NEDD9: variants seen among roughly 807,000 people sequenced by gnomAD.
NEDD9 encodes neural precursor cell expressed, developmentally down-regulated 9, also known as enhancer of filamentation 1.
A neutral mutation model predicts 76.6 loss-of-function variants in NEDD9; 26 were observed. That is an observed-to-expected ratio of 0.34 (90% CI 0.25 to 0.47). The LOEUF is 0.47. Among genes scored for constraint, NEDD9 ranks in the 20% least tolerant of loss-of-function variants. The probability of loss-of-function intolerance (pLI) is 1.00; values close to 1 mark genes in which losing one functional copy is unlikely to be tolerated. For synonymous variants in NEDD9, 392 were observed against 414.2 expected (o/e 0.95, Z 0.65); for missense variants, 937 against 1,058.5 (o/e 0.89, Z 1.59).
chr6:11,322,247 G>A (rs1561834427), intron 2 of NEDD9, among the ~76,000 whole-genome samples: 1 of 152,226 alleles, frequency 6.6e-6, no homozygotes, highest in East Asian at 1.9e-4. Context: ...AAACCTAGAT[G>A]ACGGGTTGAT....
At chr6:11,296,077 G>A (rs781708061) in intron 3 of NEDD9, among the ~76,000 whole-genome samples, 2 of 152,142 alleles carry the variant, frequency 1.3e-5, no homozygotes, top group Admixed American at 6.5e-5. Flanking sequence ...AAGAGGAGAT[G>A]AGGACACAGC....
At chr6:11,302,091 A>G (rs1242467503) in intron 3 of NEDD9, among the ~76,000 whole-genome samples, 1 of 152,190 alleles carries the variant, frequency 6.6e-6, no homozygotes, top group Non-Finnish European at 1.5e-5. Context: ...TTTTTTTAAA[A>G]AGATCAACAA....
intron 1 of NEDD9, among the ~76,000 whole-genome samples, chr6:11,228,760 T>C (rs1475344): frequency 0.35 from 53,083 of 152,056 alleles, 10,377 homozygotes; most frequent in East Asian, 0.6. Flanking sequence ...AGGTAAGCCA[T>C]TTAGCTCTGC....
At chr6:11,279,379 A>C (rs1398917318) in intron 3 of NEDD9, among the ~76,000 whole-genome samples, 1 of 152,214 alleles carries the variant, frequency 6.6e-6, no homozygotes, top group African/African-American at 2.4e-5. Flanking sequence ...TTGGACAAAC[A>C]CTAGAGCTCC....
intron 1 of NEDD9, among the ~76,000 whole-genome samples, chr6:11,365,005 G>T (rs1762737281): frequency 6.6e-6 from 1 of 152,150 alleles, no homozygotes; most frequent in Non-Finnish European, 1.5e-5. Context: ...AGCAGGCTGG[G>T]CATTCAGAAA....
chr6:11,332,984 A>G (rs1449277962), intron 2 of NEDD9, among the ~76,000 whole-genome samples: 1 of 150,880 alleles, frequency 6.6e-6, no homozygotes, highest in Non-Finnish European at 1.5e-5. Flanking sequence ...CCATAAGCCA[A>G]ATAAGACAAA....
chr6:11,275,437 A>G (rs1234855681), intron 3 of NEDD9, among the ~76,000 whole-genome samples: 1 of 152,192 alleles, frequency 6.6e-6, no homozygotes, highest in Non-Finnish European at 1.5e-5. Flanking sequence ...TATGTCAGCT[A>G]ATGCATATGT....
chr6:11,278,756 C>G (rs1317618254), intron 3 of NEDD9, among the ~76,000 whole-genome samples: 2 of 152,160 alleles, frequency 1.3e-5, no homozygotes, highest in African/African-American at 4.8e-5. Flanking sequence ...AGTGAAAACA[C>G]AATTCTGGAG....
rs1761316497 is a variant in NEDD9 at position 11,309,987 on chromosome 6, C to T, written c.-152-3832G>A. On this transcript the variant is annotated intron_variant, in intron 2 of 3. Transcript: ENST00000397378. ...TTAAAGTAACAGAGAAATGAGCTGA[C>T]TGATCCAGGGGATACATCGACACGC... is the stretch of plus-strand genomic sequence containing the variant. Among the ~76,000 whole-genome samples, 3 of 152,182 alleles carry T rather than the reference C, an allele frequency of 2.0e-5. No homozygotes were observed. In the South Asian group the frequency reaches 6.2e-4, roughly 31 times the overall value.
chr6:11,269,734 G>T (rs1302757074), intron 3 of NEDD9, among the ~76,000 whole-genome samples: 3 of 152,138 alleles, frequency 2.0e-5, no homozygotes, highest in Admixed American at 2.0e-4. Flanking sequence ...ATTGAGTTGT[G>T]CCAGGTTAAA....
chr6:11,360,340 A>G (rs7768963), intron 1 of NEDD9, among the ~76,000 whole-genome samples: 2,254 of 152,298 alleles, frequency 0.015, 52 homozygotes, highest in African/African-American at 0.052. Context: ...ATTTAAGGAG[A>G]GTCTTAGGGA....
chr6:11,355,352 A>T (rs186773239), intron 1 of NEDD9, among the ~76,000 whole-genome samples: 2,014 of 151,956 alleles, frequency 0.013, 42 homozygotes, highest in African/African-American at 0.044. Flanking sequence ...AGAAAAATTT[A>T]AAAAAAAATT....
At chr6:11,312,454 T>C (rs1235576104) in intron 2 of NEDD9, among the ~76,000 whole-genome samples, 1 of 152,130 alleles carries the variant, frequency 6.6e-6, no homozygotes, top group Non-Finnish European at 1.5e-5. Flanking sequence ...ACTGCTGTCA[T>C]GTTCAGGCCA....
chr6:11,319,717 TGCACACTCACACACTAACATGCACA>T (rs1309093375), intron 2 of NEDD9, among the ~76,000 whole-genome samples: 5,211 of 136,374 alleles, frequency 0.038, 172 homozygotes, highest in South Asian at 0.11. Flanking sequence ...CACACAAACA[TGCACACTCACACACTAACATGCACA>T]CACACACTAA....
At chr6:11,287,020 T>G (rs1450377587) in intron 3 of NEDD9, among the ~76,000 whole-genome samples, 2 of 152,370 alleles carry the variant, frequency 1.3e-5, no homozygotes, top group East Asian at 3.9e-4. Flanking sequence ...GTTATCTGGT[T>G]GGGCTCACAC....
chr6:11,185,729 T>C (rs1298429191), intron 6 of NEDD9, 58 bp from the exon 7 acceptor site: 1 of 1,591,618 alleles, frequency 6.3e-7, no homozygotes, highest in East Asian at 2.2e-5. Context: ...GCAATGGAAA[T>C]TCACTAGGCC....
At chr6:11,346,635 G>T (rs893889148) in intron 1 of NEDD9, among the ~76,000 whole-genome samples, 5 of 152,182 alleles carry the variant, frequency 3.3e-5, no homozygotes, top group Non-Finnish European at 7.3e-5. Flanking sequence ...TCTCATCGGG[G>T]AAGGAGGGGG....
chr6:11,248,730 C>CCCCA (rs532608352), intron 3 of NEDD9, among the ~76,000 whole-genome samples: 85 of 152,272 alleles, frequency 5.6e-4, no homozygotes, highest in Admixed American at 1.4e-3. Context: ...GGCACTAAGC[C>CCCCA]CCCAGCACAC....
At chr6:11,365,290 A>G (rs1762740823) in intron 1 of NEDD9, among the ~76,000 whole-genome samples, 1 of 150,932 alleles carries the variant, frequency 6.6e-6, no homozygotes. Context: ...TCCTACTTTC[A>G]AAAAAAAACA....
Sources: gnomAD v4.1 joint callset for allele counts (sites outside exome capture counted in the v4.1 genomes callset) on GRCh38, gnomAD v4.1.1 for gene constraint, MANE v1.5 for transcripts, NCBI Gene and HGNC (gene_info 2026-07-23, HGNC 2026-07-21) for gene names.